Variants in SLC25A21 observed in about 807,000 individuals in gnomAD.
The protein encoded by SLC25A21 is solute carrier family 25 member 21.
A neutral mutation model predicts 43.8 loss-of-function variants in SLC25A21; 47 were observed. The observed-to-expected ratio is 1.07, with a 90% CI of 0.85 to 1.37. SLC25A21 has a LOEUF of 1.37. SLC25A21 is among the 40% of genes most tolerant of loss of function. SLC25A21 has a pLI of 0.00. For synonymous variants in SLC25A21, 131 were observed against 121.3 expected, an observed-to-expected ratio of 1.08 and a Z score of -0.52; for missense variants, 352 against 350.2, an observed-to-expected ratio of 1.00 and a Z score of -0.04.
chr14:37,079,175 C>T (rs527558226), intron 1 of SLC25A21, among the ~76,000 whole-genome samples: 4 of 152,308 alleles, frequency 2.6e-5, no homozygotes, highest in South Asian at 2.1e-4. Context: ...TTCACATCCA[C>T]GTACAACTGG....
intron 1 of SLC25A21, among the ~76,000 whole-genome samples, chr14:37,013,533 A>G (rs1005446458): frequency 6.6e-6 from 1 of 152,186 alleles, no homozygotes; most frequent in Non-Finnish European, 1.5e-5. Context: ...AAAATCTCTT[A>G]ATATATAAGT....
intron 1 of SLC25A21, among the ~76,000 whole-genome samples, chr14:36,998,883 T>C (rs1378146685): frequency 6.6e-6 from 1 of 151,870 alleles, no homozygotes; most frequent in Admixed American, 6.6e-5. Context: ...ATGGCCAAAA[T>C]CCAGAACCCC....
chr14:36,858,614 C>T (rs1389246134), intron 2 of SLC25A21, among the ~76,000 whole-genome samples: 1 of 152,124 alleles, frequency 6.6e-6, no homozygotes, highest in Admixed American at 6.6e-5. Context: ...TGTTCTGGCT[C>T]ATTTCCTGAG....
chr14:36,930,215 T>A (rs2138635492), intron 1 of SLC25A21, among the ~76,000 whole-genome samples: 1 of 152,276 alleles, frequency 6.6e-6, no homozygotes, highest in East Asian at 1.9e-4. Flanking sequence ...ATTAATAAAT[T>A]GTTGTCATAA....
At chr14:36,895,781 C>G (rs1242705360) in intron 1 of SLC25A21, among the ~76,000 whole-genome samples, 1 of 152,098 alleles carries the variant, frequency 6.6e-6, no homozygotes, top group South Asian at 2.1e-4. Context: ...TTATTTCTGC[C>G]TTCATTTCGT....
chr14:36,849,624 A>T (rs1889660168), intron 2 of SLC25A21, among the ~76,000 whole-genome samples: 1 of 152,208 alleles, frequency 6.6e-6, no homozygotes, highest in Admixed American at 6.5e-5. Context: ...ATGCTTAGCT[A>T]ATAACTCTTT....
chr14:36,800,095 T>A (rs1356687155), intron 3 of SLC25A21, among the ~76,000 whole-genome samples: 1 of 152,192 alleles, frequency 6.6e-6, no homozygotes, highest in Non-Finnish European at 1.5e-5. Flanking sequence ...TTTTTGCAGA[T>A]CTCAAGTCTC....
chr14:37,057,295 A>T (rs1447544839), intron 1 of SLC25A21, among the ~76,000 whole-genome samples: 2 of 152,230 alleles, frequency 1.3e-5, no homozygotes, highest in Non-Finnish European at 2.9e-5. Context: ...GGAATCCTAA[A>T]AAGCAATATT....
chr14:37,075,759 G>C (rs924257930), intron 1 of SLC25A21, among the ~76,000 whole-genome samples: 1 of 152,170 alleles, frequency 6.6e-6, no homozygotes, highest in Non-Finnish European at 1.5e-5. Flanking sequence ...TGATTATTGA[G>C]TCATATGTGA....
chr14:36,711,234 C>T (rs1250679428), intron 7 of SLC25A21, 84 bp downstream of exon 7: 16 of 1,284,744 alleles, frequency 1.2e-5, no homozygotes, highest in Middle Eastern at 2.1e-4. Flanking sequence ...GCACAGTGAC[C>T]AGGACAGGAT....
chr14:37,052,228 C>T (rs1480903523), intron 1 of SLC25A21, among the ~76,000 whole-genome samples: 2 of 152,054 alleles, frequency 1.3e-5, no homozygotes, highest in East Asian at 3.9e-4. Context: ...AAATGTGATC[C>T]AGGGATGCAA....
chr14:36,888,428 C>T (rs1172574271), intron 1 of SLC25A21, among the ~76,000 whole-genome samples: 2 of 152,062 alleles, frequency 1.3e-5, no homozygotes, highest in African/African-American at 4.8e-5. Flanking sequence ...TGATTTGCCA[C>T]TCTACTGTGC....
At chr14:36,745,248 G>A (rs951271248) in intron 3 of SLC25A21, among the ~76,000 whole-genome samples, 57 of 152,138 alleles carry the variant, frequency 3.7e-4, no homozygotes, top group African/African-American at 1.3e-3. Context: ...TATTATTGAC[G>A]GATATTTGGG....
chr14:36,901,200 T>G (rs557593297), intron 1 of SLC25A21, among the ~76,000 whole-genome samples: 122 of 152,318 alleles, frequency 8.0e-4, no homozygotes, highest in African/African-American at 2.8e-3. Flanking sequence ...TAGGAATGGA[T>G]CTTTGATGAG....
At chr14:37,069,703 C>T (rs1453001219) in intron 1 of SLC25A21, among the ~76,000 whole-genome samples, 2 of 152,228 alleles carry the variant, frequency 1.3e-5, no homozygotes, top group African/African-American at 4.8e-5. Flanking sequence ...ATTTCTACCA[C>T]ATTTCCAGTT....
At chr14:36,758,132 C>T (rs991800839) in intron 3 of SLC25A21, among the ~76,000 whole-genome samples, 3 of 152,194 alleles carry the variant, frequency 2.0e-5, no homozygotes, top group African/African-American at 7.2e-5. Flanking sequence ...GAACTCTTAC[C>T]CTGGTGGCTC....
At chr14:36,919,914 T>A (rs953721305) in intron 1 of SLC25A21, among the ~76,000 whole-genome samples, 2 of 152,106 alleles carry the variant, frequency 1.3e-5, no homozygotes, top group Admixed American at 1.3e-4. Context: ...TCATTCTCTG[T>A]AAGTGAAATT....
chr14:36,813,114 G>A (rs1424307656), intron 3 of SLC25A21, among the ~76,000 whole-genome samples: 1 of 151,856 alleles, frequency 6.6e-6, no homozygotes, highest in Non-Finnish European at 1.5e-5. Context: ...TAGCATACAT[G>A]TGCAGAACGT....
rs1882032057 is a variant in SLC25A21, at chr14:36,678,723, CTT to C, written c.*1933_*1934del. 2.5e-6 allele frequency: 3 copies of C among 1,197,290 alleles called. No homozygotes were observed. The highest frequency in any genetic ancestry group is 3.1e-6 in the Non-Finnish European group (3 of 960,886). 74.2% of individuals were successfully genotyped at this position (1,197,290 alleles called of 1,614,324 possible). On this transcript the variant is annotated 3_prime_UTR_variant, in exon 10 of 10. Coordinates refer to ENST00000331299, the MANE Select transcript of SLC25A21 (RefSeq NM_030631.4). ...TTTCTTTATCTAAATTAAGAAATCT[CTT>C]GTTATTGTGCTATTTATAATTTTTT...
Sources: allele counts gnomAD v4.1 joint callset (sites outside exome capture counted in the v4.1 genomes callset), GRCh38; gene constraint gnomAD v4.1.1; transcripts MANE v1.5; gene names NCBI Gene and HGNC (gene_info 2026-07-23, HGNC 2026-07-21).